The following ASCC3 variants were observed in gnomAD, a reference collection of about 807,000 sequenced individuals.
ASCC3 encodes ASC-1 complex subunit P200.
A neutral mutation model predicts 256.3 loss-of-function variants in ASCC3; 158 were observed. The ratio of observed to expected loss-of-function variants is 0.62; its 90% CI spans 0.54 to 0.70. ASCC3 has a LOEUF of 0.70. ASCC3 is among the 30% of genes least tolerant of loss of function. The pLI is 0.00. For synonymous variants in ASCC3, 948 were observed against 883.4 expected (o/e 1.07, Z -1.30); for missense variants, 2,259 against 2,626.0 (o/e 0.86, Z 3.05).
chr6:100,822,494 G>A (rs897210341), intron 4 of ASCC3, among the ~76,000 whole-genome samples: 4 of 147,692 alleles, frequency 2.7e-5, no homozygotes, highest in African/African-American at 1.0e-4. Flanking sequence ...CCAAGATCGC[G>A]CCACTGCACT....
chr6:100,589,059 C>A (rs1360148431), intron 36 of ASCC3, among the ~76,000 whole-genome samples: 1 of 151,966 alleles, frequency 6.6e-6, no homozygotes, highest in Non-Finnish European at 1.5e-5. Context: ...GAAAGGTGGA[C>A]AAGATGCTTC....
Position 100,795,058 on chromosome 6 carries a change from T to A in ASCC3, c.1395+3655A>T, listed in dbSNP as rs77000188. ...CTGATAATGAGGATATACAAGTGAGTAGCCATGTGTCAGTAAGAACGCCAT... is the reference window on the plus strand; with the variant it reads ...CTGATAATGAGGATATACAAGTGAGAAGCCATGTGTCAGTAAGAACGCCAT... On this transcript the variant is annotated intron_variant, in intron 8 of 41. Transcript: ENST00000369162. 7.8e-3 allele frequency among the ~76,000 whole-genome samples: 1,185 copies of A among 152,136 alleles called. 9 individuals carry two copies. The highest frequency in any genetic ancestry group is 0.012 in the Non-Finnish European group (831 of 67,988).
intron 16 of ASCC3, among the ~76,000 whole-genome samples, chr6:100,656,255 T>A (rs1324529376): frequency 6.6e-6 from 1 of 151,718 alleles, no homozygotes; most frequent in African/African-American, 2.4e-5. Context: ...TTATCCTAAT[T>A]CTGTATACTG....
chr6:100,783,096 C>G (rs1196650965), intron 8 of ASCC3, among the ~76,000 whole-genome samples: 1 of 151,530 alleles, frequency 6.6e-6, no homozygotes, highest in Non-Finnish European at 1.5e-5. Context: ...CCTAAATGAG[C>G]TCTCATGTAT....
intron 8 of ASCC3, among the ~76,000 whole-genome samples, chr6:100,770,625 T>C (rs1363078312): frequency 6.6e-6 from 1 of 152,066 alleles, no homozygotes; most frequent in East Asian, 1.9e-4. Flanking sequence ...CTAAAGCTAA[T>C]GTGTGAATTC....
At chr6:100,827,342 CT>C (rs1318117568) in intron 4 of ASCC3, among the ~76,000 whole-genome samples, 2 of 152,320 alleles carry the variant, frequency 1.3e-5, no homozygotes, top group Non-Finnish European at 2.9e-5. Flanking sequence ...CCCTTTCTCC[CT>C]TTCCCCAAAT....
intron 13 of ASCC3, among the ~76,000 whole-genome samples, chr6:100,689,354 T>C (rs1343988510): frequency 6.6e-6 from 1 of 152,228 alleles, no homozygotes; most frequent in East Asian, 1.9e-4. Flanking sequence ...ATTAGTATTT[T>C]ACAGAAGAGA....
rs1425607005 is a variant in ASCC3, at chr6:100,584,102, T to C, written c.5550+5532A>G. Among the ~76,000 whole-genome samples, 4 of 151,760 alleles carry C rather than the reference T, an allele frequency of 2.6e-5. No individual in the cohort carries two copies. In the East Asian group the frequency reaches 7.7e-4, roughly 29 times the overall value. ...GAGAGTTCTGTAGATGTCTATTAGG[T>C]CTGCTTGGTGCAGAGCTGAGTTCAA... is the stretch of plus-strand genomic sequence containing the variant. On this transcript the variant is annotated intron_variant, in intron 36 of 41. Transcript: ENST00000369162.
intron 24 of ASCC3, among the ~76,000 whole-genome samples, chr6:100,640,086 G>C (rs1263330174): frequency 6.6e-6 from 1 of 152,072 alleles, no homozygotes; most frequent in Non-Finnish European, 1.5e-5. Context: ...CTTCACTTCA[G>C]CCTGGGTGAA....
intron 40 of ASCC3, among the ~76,000 whole-genome samples, chr6:100,512,449 C>A (rs1244171051): frequency 6.6e-6 from 1 of 152,180 alleles, no homozygotes; most frequent in Non-Finnish European, 1.5e-5. Context: ...GGAAATTCTG[C>A]TGGCCAGAGT....
At position 100,647,442 on chromosome 6, in the gene ASCC3, T is replaced by G. The variant is rs777162357; in HGVS notation, c.3262A>C (p.Arg1088=). The change falls in exon 21 of 42, where the codon AGA becomes CGA. Residue 1088 remains arginine, a synonymous_variant. Transcript: ENST00000369162. ...DSAYVAQNAA[R]IVRALFEIAL... is the part of the protein sequence containing the mutation. ...ATTTCAAAAAGAGCACGGACAATTC[T>G]AGCTGCATTCTAAAAAATTATAGGA... 3.9e-5 allele frequency: 63 copies of G among 1,613,536 alleles called. No individual in the cohort carries two copies. Among genetic ancestry groups the G allele is most frequent in the Non-Finnish European group, 5.3e-5 (63 of 1,179,604 alleles).
At chr6:100,653,125 C>T (rs1260105669) in intron 17 of ASCC3, among the ~76,000 whole-genome samples, 2 of 151,826 alleles carry the variant, frequency 1.3e-5, no homozygotes, top group Admixed American at 6.6e-5. Flanking sequence ...TTTTCAGATA[C>T]CAATATTTTG....
chr6:100,679,208 G>T (rs1777169421), intron 14 of ASCC3, among the ~76,000 whole-genome samples: 5 of 137,792 alleles, frequency 3.6e-5, no homozygotes, highest in South Asian at 2.3e-4. Flanking sequence ...CCTTTACATT[G>T]CTTAAAAAAA....
chr6:100,786,702 T>C (rs1210556978), intron 8 of ASCC3, among the ~76,000 whole-genome samples: 1 of 152,160 alleles, frequency 6.6e-6, no homozygotes, highest in African/African-American at 2.4e-5. Flanking sequence ...TTTATTGCCA[T>C]GATTAGAAGT....
At chr6:100,816,132 C>T (rs1770733428) in intron 4 of ASCC3, among the ~76,000 whole-genome samples, 1 of 151,900 alleles carries the variant, frequency 6.6e-6, no homozygotes, top group African/African-American at 2.4e-5. Flanking sequence ...ACAAGATACA[C>T]TGTGACCAAA....
At chr6:100,763,089 A>G (rs1310506048) in intron 10 of ASCC3, among the ~76,000 whole-genome samples, 2 of 152,206 alleles carry the variant, frequency 1.3e-5, no homozygotes, top group Non-Finnish European at 2.9e-5. Context: ...AAACTCCACA[A>G]AAAAAGTTGA....
At chr6:100,604,209 T>G (rs1212647847) in intron 33 of ASCC3, among the ~76,000 whole-genome samples, 2 of 152,102 alleles carry the variant, frequency 1.3e-5, no homozygotes, top group East Asian at 3.8e-4. Context: ...ATTATTTGCA[T>G]TAGGTTGTTA....
chr6:100,518,357 G>C (rs1774141722), intron 37 of ASCC3, among the ~76,000 whole-genome samples: 1 of 151,956 alleles, frequency 6.6e-6, no homozygotes, highest in Non-Finnish European at 1.5e-5. Flanking sequence ...TCCTAAAAAG[G>C]GCCAAATAAT....
chr6:100,668,913 C>T (rs916252145), intron 14 of ASCC3, among the ~76,000 whole-genome samples: 1 of 151,604 alleles, frequency 6.6e-6, no homozygotes, highest in Non-Finnish European at 1.5e-5. Context: ...ACAGAGTATA[C>T]TAATTAAAAT....
Sources: gnomAD v4.1 joint callset for allele counts (sites outside exome capture counted in the v4.1 genomes callset) on GRCh38, gnomAD v4.1.1 for gene constraint, MANE v1.5 for transcripts, NCBI Gene and HGNC (gene_info 2026-07-23, HGNC 2026-07-21) for gene names.